SMAD5: variants seen among roughly 807,000 people sequenced by gnomAD.
The protein encoded by SMAD5 is SMAD family member 5.
SMAD5 carries 9 observed loss-of-function variants against 43.1 expected under a neutral mutation model. The observed-to-expected ratio is 0.21, with a 90% CI of 0.13 to 0.36. The LOEUF (loss-of-function observed/expected upper bound fraction) is 0.36. Among genes scored for constraint, SMAD5 ranks in the 10% least tolerant of loss-of-function variants. The pLI is 1.00. For synonymous variants in SMAD5, 190 were observed against 192.4 expected, an observed-to-expected ratio of 0.99 and a Z score of 0.10; for missense variants, 348 against 574.0, an observed-to-expected ratio of 0.61 and a Z score of 4.02.
intron 1 of SMAD5, among the ~76,000 whole-genome samples, chr5:136,138,558 T>C (rs2149758641): frequency 6.6e-6 from 1 of 152,354 alleles, no homozygotes; most frequent in African/African-American, 2.4e-5. Flanking sequence ...ATAGCAGTTG[T>C]ATACATGGAT....
At chr5:136,141,424 T>G (rs1368248329) in intron 1 of SMAD5, among the ~76,000 whole-genome samples, 2 of 152,236 alleles carry the variant, frequency 1.3e-5, no homozygotes, top group Non-Finnish European at 2.9e-5. Context: ...TTTATCTCAT[T>G]GTACTTACAT....
At chr5:136,136,374 C>T (rs1752877937) in intron 1 of SMAD5, among the ~76,000 whole-genome samples, 1 of 152,100 alleles carries the variant, frequency 6.6e-6, no homozygotes, top group African/African-American at 2.4e-5. Flanking sequence ...GACGGTGTTT[C>T]ACCATGTTCG....
At position 136,159,091 on chromosome 5, in the gene SMAD5, C is replaced by A. The variant is rs369546818; in HGVS notation, c.404-1765C>A. On this transcript the variant is annotated intron_variant, in intron 3 of 7. Transcript: ENST00000545279. ...GGTTAACTTTAGTAAAAACATTGTT[C>A]AAGAAAAAGTAGACTCATAGTACAC... Among the ~76,000 whole-genome samples the A allele has an allele frequency of 3.0e-4, 45 of 152,054 alleles. No individual in the cohort carries two copies. In the East Asian group the frequency reaches 5.2e-3, roughly 18 times the overall value.
At chr5:136,137,121 A>G (rs1752911810) in intron 1 of SMAD5, among the ~76,000 whole-genome samples, 1 of 139,810 alleles carries the variant, frequency 7.2e-6, no homozygotes, top group Admixed American at 7.9e-5. Context: ...CTTTTACTGT[A>G]TCCTACCTTG....
intron 2 of SMAD5, among the ~76,000 whole-genome samples, chr5:136,148,573 T>TG (rs1392420871): frequency 6.6e-6 from 1 of 151,816 alleles, no homozygotes; most frequent in Admixed American, 6.6e-5. Flanking sequence ...CCATGGGTCT[T>TG]GGGGACAAAC....
intron 3 of SMAD5, 51 bp from the exon 4 acceptor site, chr5:136,160,805 G>T (rs1024197221): frequency 1.2e-5 from 19 of 1,589,508 alleles, no homozygotes; most frequent in African/African-American, 2.7e-5. Flanking sequence ...GTGTGGATGG[G>T]GCATTTGTTT....
intron 1 of SMAD5, among the ~76,000 whole-genome samples, chr5:136,135,960 T>C (rs1057419241): frequency 6.6e-6 from 1 of 152,204 alleles, no homozygotes; most frequent in Admixed American, 6.5e-5. Context: ...CGTCTTCTCA[T>C]AGGGTCAAAG....
intron 3 of SMAD5, 71 bp from the exon 4 acceptor site, chr5:136,160,785 C>CA (rs1392411688): frequency 5.4e-6 from 8 of 1,483,796 alleles, no homozygotes; most frequent in Non-Finnish European, 7.4e-6. Context: ...TCCTTTCTAC[C>CA]AACCCCTTAG....
rs1010295934 is a variant in SMAD5, at chr5:136,163,256, T to C, written c.656-16T>C. The C allele has an allele frequency of 2.7e-6, 2 of 753,532 alleles. No homozygotes were observed. Among genetic ancestry groups the C allele is most frequent in the East Asian group, 1.1e-4 (2 of 17,660 alleles). The allele number at this position is 753,532 out of a possible 1,614,324, so 46.7% of individuals were successfully genotyped here. On this transcript the variant is annotated splice_polypyrimidine_tract_variant and intron_variant, in intron 4 of 7. Coordinates refer to ENST00000545279, the MANE Select transcript of SMAD5 (RefSeq NM_005903.7). The stretch of plus-strand genomic sequence containing the variant: ...AGCAGAATGAAGATTTTAATTATTA[T>C]TTTTTTTCCTCTTAGCTGATACGCC...
chr5:136,158,789 C>T (rs915318124), intron 3 of SMAD5, among the ~76,000 whole-genome samples: 1 of 152,070 alleles, frequency 6.6e-6, no homozygotes, highest in Non-Finnish European at 1.5e-5. Context: ...GTCTCAGCTA[C>T]TCGGGAGGCT....
chr5:136,174,143 C>A (rs1754323128), intron 6 of SMAD5, among the ~76,000 whole-genome samples: 1 of 151,888 alleles, frequency 6.6e-6, no homozygotes, highest in South Asian at 2.1e-4. Context: ...AGAGAACAAC[C>A]TAAAAATGGA....
intron 2 of SMAD5, chr5:136,152,565 A>G (rs1048764228): frequency 2.0e-5 from 3 of 152,160 alleles, no homozygotes; most frequent in Non-Finnish European, 4.4e-5. Flanking sequence ...CTTTTGTTAC[A>G]CCATTTTTCC....
At chr5:136,156,014 G>T (rs943382309) in intron 3 of SMAD5, among the ~76,000 whole-genome samples, 1 of 152,140 alleles carries the variant, frequency 6.6e-6, no homozygotes, top group Non-Finnish European at 1.5e-5. Context: ...GTTTCTTTGG[G>T]TGAGGAGTCC....
chr5:136,156,520 G>C (rs1176536279), intron 3 of SMAD5, among the ~76,000 whole-genome samples: 1 of 152,184 alleles, frequency 6.6e-6, no homozygotes, highest in East Asian at 1.9e-4. Context: ...TTCAACTTAA[G>C]AGCTTTAGAG....
chr5:136,154,026 A>G lies in SMAD5; in HGVS notation c.266A>G (p.Tyr89Cys), dbSNP rs1477280120. 1 of 1,609,702 alleles carries G rather than the reference A, an allele frequency of 6.2e-7. No homozygotes were observed. Among genetic ancestry groups the G allele is most frequent in the African/African-American group, 1.3e-5 (1 of 74,574 alleles). The change falls in exon 3 of 8, where the codon TAT becomes TGT. Residue 89 changes from tyrosine (Y) to cysteine (C), a missense_variant. Tyr to Cys is a radical substitution (Grantham distance 194). This residue lies in a region of SMAD5 where 27 missense variants were observed against 53.9 expected (regional missense o/e 0.50). Coordinates refer to ENST00000545279, the MANE Select transcript of SMAD5 (RefSeq NM_005903.7). ...AGAAAAGGCTTACCCCATGTTATAT[A>G]TTGTCGTGTTTGGCGCTGGCCGGAT... ...SHRKGLPHVI[Y>C]CRVWRWPDLQ... is the part of the protein sequence containing the mutation.
intron 1 of SMAD5, among the ~76,000 whole-genome samples, chr5:136,139,608 C>G (rs1399843902): frequency 6.6e-6 from 1 of 152,208 alleles, no homozygotes; most frequent in East Asian, 1.9e-4. Flanking sequence ...TCTCCCCTCC[C>G]TTAGATTACT....
At chr5:136,162,127 C>G (rs1183527607) in intron 4 of SMAD5, among the ~76,000 whole-genome samples, 1 of 152,124 alleles carries the variant, frequency 6.6e-6, no homozygotes, top group East Asian at 1.9e-4. Flanking sequence ...GAAACCAATC[C>G]TGAATGGGAC....
At chr5:136,162,246 A>G (rs956110773) in intron 4 of SMAD5, among the ~76,000 whole-genome samples, 1 of 152,192 alleles carries the variant, frequency 6.6e-6, no homozygotes, top group African/African-American at 2.4e-5. Flanking sequence ...TGTGAGAGGA[A>G]ACTCGGGTAA....
rs762275159 is a variant in SMAD5 at position 136,160,967 on chromosome 5, C to T, written c.515C>T (p.Thr172Met). ...GAACCACACATGCCACAAAATGCCA[C>T]GTTTCCAGATTCTTTCCACCAGCCC... ...HNEPHMPQNA[T>M]FPDSFHQPNN... The change falls in exon 4 of 8, where the codon ACG becomes ATG. Residue 172 changes from threonine (T) to methionine (M), a missense_variant. Thr to Met is a moderately conservative substitution (Grantham distance 81, BLOSUM62 -1). This residue lies in a region of SMAD5 where 185 missense variants were observed against 207.0 expected (regional missense o/e 0.89). Transcript: ENST00000545279. 2.5e-5 allele frequency: 41 copies of T among 1,613,934 alleles called. No homozygotes were observed. Among genetic ancestry groups the T allele is most frequent in the Non-Finnish European group, 3.4e-5 (40 of 1,179,876 alleles).
Sources: gnomAD v4.1 joint callset for allele counts (sites outside exome capture counted in the v4.1 genomes callset) on GRCh38, gnomAD v4.1.1 for gene constraint, gnomAD v4.1.1 regional missense constraint, MANE v1.5 for transcripts, NCBI Gene and HGNC (gene_info 2026-07-23, HGNC 2026-07-21) for gene names.